The following PCDHGA6 variants were observed in gnomAD, a reference collection of about 807,000 sequenced individuals.
The protein encoded by PCDHGA6 is protocadherin gamma subfamily A, 6, also known as protocadherin gamma-A6.
In PCDHGA6, 41 loss-of-function variants were observed where a neutral mutation model predicts 60.6. That is an observed-to-expected ratio of 0.68 (90% CI 0.53 to 0.88). The LOEUF is 0.88. Among genes scored for constraint, PCDHGA6 ranks in the 40% least tolerant of loss-of-function variants. PCDHGA6 has a pLI of 0.00. For synonymous variants in PCDHGA6, 594 were observed against 524.4 expected, an observed-to-expected ratio of 1.13 and a Z score of -1.81; for missense variants, 1,312 against 1,203.0, an observed-to-expected ratio of 1.09 and a Z score of -1.34.
intron 1 of PCDHGA6, chr5:141,383,500 G>T: frequency 6.2e-7 from 1 of 1,613,078 alleles, no homozygotes; most frequent in East Asian, 2.2e-5. Flanking sequence ...GCGGGTGCTG[G>T]ACCGGGAGGA....
Position 141,476,201 on chromosome 5 carries a change from G to C in PCDHGA6, c.2425-18606G>C. ...GCTTCTGCTTGGTGCCTTGAACAAG[G>C]CTTCCACGGTCATTCACTATGAGAT... is the stretch of plus-strand genomic sequence containing the variant. On this transcript the variant is annotated intron_variant, in intron 1 of 3. Coordinates refer to ENST00000517434, the MANE Select transcript of PCDHGA6 (RefSeq NM_018919.3). This position sits in a 1 kb window ranked among gnomAD's most constrained non-coding sequence, Gnocchi z 7.6. 6.2e-7 allele frequency: 1 copy of C among 1,613,986 alleles called. No individual in the cohort carries two copies. The highest frequency in any genetic ancestry group is 8.5e-7 in the Non-Finnish European group (1 of 1,180,028).
chr5:141,470,147 T>A (rs1394329530), intron 1 of PCDHGA6, among the ~76,000 whole-genome samples: 1 of 152,172 alleles, frequency 6.6e-6, no homozygotes. Context: ...AGATCATAGA[T>A]CATCTTATCA....
intron 1 of PCDHGA6, among the ~76,000 whole-genome samples, chr5:141,401,668 A>G (rs2094180828): frequency 6.6e-6 from 1 of 152,254 alleles, no homozygotes; most frequent in Non-Finnish European, 1.5e-5. Flanking sequence ...TTTTCTCAAC[A>G]TCCTTGTAGG....
rs2099710738 is a variant in PCDHGA6, at chr5:141,491,331, T to C, written c.2425-3476T>C. 6.2e-7 allele frequency: 1 copy of C among 1,614,170 alleles called. No homozygotes were observed. The highest frequency in any genetic ancestry group is 8.5e-7 in the Non-Finnish European group (1 of 1,180,018). On this transcript the variant is annotated intron_variant, in intron 1 of 3. Coordinates refer to ENST00000517434, the MANE Select transcript of PCDHGA6 (RefSeq NM_018919.3). The surrounding 1 kb of genome is among the most constrained non-coding windows in gnomAD (Gnocchi z 6.9). ...ACCTTACCCTTTACCTCATTGTGGC[T>C]CTAGCGACCGTCAGTCTCTTATCCC...
intron 3 of PCDHGA6, among the ~76,000 whole-genome samples, chr5:141,509,633 GA>G (rs2099877629): frequency 6.6e-6 from 1 of 152,204 alleles, no homozygotes; most frequent in Non-Finnish European, 1.5e-5. Flanking sequence ...GGGTGATGCT[GA>G]GCCAGGGCCA....
intron 1 of PCDHGA6, among the ~76,000 whole-genome samples, chr5:141,438,511 C>G (rs1436337566): frequency 6.8e-6 from 1 of 146,550 alleles, no homozygotes; most frequent in Non-Finnish European, 1.5e-5. Context: ...AGTGCAAAAC[C>G]AATTATTTTA....
At position 141,485,704 on chromosome 5, in the gene PCDHGA6, CTT is replaced by C; in HGVS notation, c.2425-9101_2425-9100del. On this transcript the variant is annotated intron_variant, in intron 1 of 3. Coordinates refer to ENST00000517434, the MANE Select transcript of PCDHGA6 (RefSeq NM_018919.3). The surrounding 1 kb of genome is among the most constrained non-coding windows in gnomAD (Gnocchi z 5.7). ...GCTATAGGCTGAGCTCCAATGAACA[CTT>C]TGCACTGGATGTGAAGAAGCGCAGC... is the stretch of plus-strand genomic sequence containing the variant. 6.2e-7 allele frequency: 1 copy of C among 1,614,180 alleles called. No homozygotes were observed. The highest frequency in any genetic ancestry group is 8.5e-7 in the Non-Finnish European group (1 of 1,180,032).
At chr5:141,501,628 C>T (rs1217355708) in intron 2 of PCDHGA6, among the ~76,000 whole-genome samples, 1 of 152,112 alleles carries the variant, frequency 6.6e-6, no homozygotes, top group Non-Finnish European at 1.5e-5. Flanking sequence ...TATAGTCTCT[C>T]AACCTCTCTG....
At chr5:141,377,334 G>C (rs1046555445) in intron 1 of PCDHGA6, 3 of 152,142 alleles carry the variant, frequency 2.0e-5, no homozygotes, top group South Asian at 4.1e-4. Flanking sequence ...TAGCTAGCAT[G>C]GTGGTTCACG....
Position 141,403,717 on chromosome 5 carries a change from G to A in PCDHGA6, c.2424+27210G>A, listed in dbSNP as rs1561689674. On this transcript the variant is annotated intron_variant, in intron 1 of 3. Transcript: ENST00000517434. Reference sequence around the variant, plus strand: ...ACCGAGTTAAAGTCCTTGAGAACGTGCCCCCAGGCACCTGGCTGCTTACTG... The same window carrying A: ...ACCGAGTTAAAGTCCTTGAGAACGTACCCCCAGGCACCTGGCTGCTTACTG... 3 of 1,613,936 alleles carry A rather than the reference G, an allele frequency of 1.9e-6. No homozygotes were observed. In the South Asian group the frequency reaches 3.3e-5, roughly 18 times the overall value.
intron 1 of PCDHGA6, among the ~76,000 whole-genome samples, chr5:141,447,375 T>C (rs1431576261): frequency 6.6e-6 from 1 of 152,030 alleles, no homozygotes; most frequent in African/African-American, 2.4e-5. Context: ...CTGACCCTGG[T>C]GATCTGCCCA....
At chr5:141,444,670 C>G (rs1174911888) in intron 1 of PCDHGA6, among the ~76,000 whole-genome samples, 1 of 152,052 alleles carries the variant, frequency 6.6e-6, no homozygotes, top group African/African-American at 2.4e-5. Context: ...CCATTTTTTT[C>G]AATACCATTT....
rs770354956 is a variant in PCDHGA6, at chr5:141,399,731, C to T, written c.2424+23224C>T. Reference sequence around the variant, plus strand: ...ACACTACAGGCCCGCGACCAGGGCTCGCCTGCGCTCAGCGCAAACGTGAGC... The same window carrying T: ...ACACTACAGGCCCGCGACCAGGGCTTGCCTGCGCTCAGCGCAAACGTGAGC... On this transcript the variant is annotated intron_variant, in intron 1 of 3. Transcript: ENST00000517434. 229 of 1,613,292 alleles carry T rather than the reference C, an allele frequency of 1.4e-4. No homozygotes were observed. The highest frequency in any genetic ancestry group is 1.8e-4 in the Non-Finnish European group (217 of 1,179,878).
chr5:141,390,297 G>C, intron 1 of PCDHGA6: 2 of 1,613,826 alleles, frequency 1.2e-6, no homozygotes, highest in Non-Finnish European at 1.7e-6. Context: ...TTTCCTTTAA[G>C]TATAATTTAA....
At chr5:141,412,406 G>T (rs1278637068) in intron 1 of PCDHGA6, 1 of 152,046 alleles carries the variant, frequency 6.6e-6, no homozygotes, top group African/African-American at 2.4e-5. Context: ...ATCCCTGTAA[G>T]ATAAAGTATG....
intron 1 of PCDHGA6, chr5:141,383,004 G>C: frequency 6.2e-7 from 1 of 1,613,698 alleles, no homozygotes; most frequent in Non-Finnish European, 8.5e-7. Flanking sequence ...TCTACTCCGT[G>C]TCGGAGGAGA....
intron 2 of PCDHGA6, among the ~76,000 whole-genome samples, chr5:141,497,023 G>A (rs1271608156): frequency 1.3e-5 from 2 of 151,912 alleles, no homozygotes; most frequent in Non-Finnish European, 2.9e-5. Flanking sequence ...ACCCCATCTC[G>A]ATTAAAAATA....
intron 1 of PCDHGA6, chr5:141,418,660 T>C (rs1377720154): frequency 6.2e-7 from 1 of 1,614,024 alleles, no homozygotes; most frequent in Admixed American, 1.7e-5. Context: ...TGAAGGCCAC[T>C]GACCAGGACG....
intron 1 of PCDHGA6, among the ~76,000 whole-genome samples, chr5:141,379,866 T>A (rs1199183265): frequency 1.3e-5 from 2 of 149,428 alleles, no homozygotes; most frequent in Non-Finnish European, 3.0e-5. Context: ...GTCTTATTCT[T>A]ATTTTATGGT....
Sources: allele counts gnomAD v4.1 joint callset (sites outside exome capture counted in the v4.1 genomes callset), GRCh38; gene constraint gnomAD v4.1.1; non-coding constraint Gnocchi (gnomAD v3.1); transcripts MANE v1.5; gene names NCBI Gene and HGNC (gene_info 2026-07-23, HGNC 2026-07-21).